The following HECW2 variants were observed in gnomAD, a reference collection of about 807,000 sequenced individuals.
HECW2 encodes the protein E3 ubiquitin-protein ligase HECW2.
HECW2 carries 61 observed loss-of-function variants against 175.2 expected under a neutral mutation model. The ratio of observed to expected loss-of-function variants is 0.35; its 90% CI spans 0.28 to 0.43. The LOEUF is 0.43. Ranked by LOEUF, HECW2 falls within the 20% of genes least tolerant of loss-of-function variation. The probability of loss-of-function intolerance (pLI) is 1.00; values close to 1 mark genes in which losing one functional copy is unlikely to be tolerated. For missense variants in HECW2, 1,524 were observed against 2,000.5 expected (o/e 0.76, Z 4.54); for synonymous variants, 671 against 731.0 (o/e 0.92, Z 1.32).
rs1276990423 is a variant in HECW2 at position 196,307,151 on chromosome 2, C to T, written c.2668G>A (p.Asp890Asn). ...NAIDGAGEEA[D>N]FHQASADFRR... is the part of the protein sequence containing the mutation. ...TTACCTGCACTGGCTTGGTGAAAGT[C>T]AGCTTCCTCCCCTGCCCCATCAATA... The change falls in exon 12 of 29, where the codon GAC becomes AAC. Residue 890 changes from aspartate (D) to asparagine (N), a missense_variant. This residue lies in a region of HECW2 where 105 missense variants were observed against 98.1 expected (regional missense o/e 1.07). Transcript: ENST00000644978. 6 of 1,613,494 alleles carry T rather than the reference C, an allele frequency of 3.7e-6. No individual in the cohort carries two copies. In the African/African-American group the frequency reaches 5.3e-5, roughly 14 times the overall value.
At position 196,333,574 on chromosome 2, in the gene HECW2, CTA is replaced by C. The variant is rs1692446456; in HGVS notation, c.495+848_495+849del. On this transcript the variant is annotated intron_variant, in intron 4 of 28. Coordinates refer to ENST00000644978, the MANE Select transcript of HECW2 (RefSeq NM_001348768.2). The stretch of plus-strand genomic sequence containing the variant: ...TATGTCATAGGAGTCAGTATTTTTT[CTA>C]TGCTTTCATGACCTCATTTTTAGTA... 3.3e-5 allele frequency among the ~76,000 whole-genome samples: 5 copies of C among 151,950 alleles called. No homozygotes were observed. The South Asian group carries it at 1.0e-3, about 31-fold the overall frequency.
chr2:196,270,789 C>T (rs1689701348), intron 17 of HECW2, among the ~76,000 whole-genome samples: 2 of 152,076 alleles, frequency 1.3e-5, no homozygotes, highest in Admixed American at 1.3e-4. Flanking sequence ...GCAACCTCCA[C>T]CTCCCAGGTT....
At chr2:196,406,623 T>C (rs1694972717) in intron 2 of HECW2, among the ~76,000 whole-genome samples, 1 of 152,242 alleles carries the variant, frequency 6.6e-6, no homozygotes, top group South Asian at 2.1e-4. Context: ...GACAAAGTTC[T>C]CTGTGATCTG....
At chr2:196,487,806 T>C (rs1046172736) in intron 1 of HECW2, among the ~76,000 whole-genome samples, 10 of 152,196 alleles carry the variant, frequency 6.6e-5, no homozygotes, top group African/African-American at 2.4e-4. Flanking sequence ...TGCTATTAGA[T>C]CAGCATATTT....
At chr2:196,396,491 A>G (rs1402436342) in intron 2 of HECW2, among the ~76,000 whole-genome samples, 1 of 152,234 alleles carries the variant, frequency 6.6e-6, no homozygotes, top group Non-Finnish European at 1.5e-5. Flanking sequence ...ATAAACAGAT[A>G]AAAACAGGCA....
At chr2:196,453,050 T>C (rs976563907) in intron 1 of HECW2, among the ~76,000 whole-genome samples, 6 of 152,322 alleles carry the variant, frequency 3.9e-5, no homozygotes, top group Non-Finnish European at 8.8e-5. Flanking sequence ...AGTTCTGTTC[T>C]AAGGAATATG....
chr2:196,297,505 T>C (rs1176810713), intron 13 of HECW2, among the ~76,000 whole-genome samples: 3 of 152,198 alleles, frequency 2.0e-5, no homozygotes, highest in Non-Finnish European at 4.4e-5. Flanking sequence ...ACAATGGAAA[T>C]AATAATCAAT....
At chr2:196,572,074 A>G (rs773184554) in intron 1 of HECW2, among the ~76,000 whole-genome samples, 2 of 152,246 alleles carry the variant, frequency 1.3e-5, no homozygotes, top group African/African-American at 4.8e-5. Context: ...AGGTAGCAAG[A>G]GCAATCAGAT....
At chr2:196,498,088 C>G (rs888420357) in intron 1 of HECW2, among the ~76,000 whole-genome samples, 7 of 152,126 alleles carry the variant, frequency 4.6e-5, no homozygotes, top group Non-Finnish European at 8.8e-5. Flanking sequence ...TTTCAGTGAA[C>G]TTTCAAAGGG....
At chr2:196,519,930 G>A (rs914229011) in intron 1 of HECW2, among the ~76,000 whole-genome samples, 1 of 152,152 alleles carries the variant, frequency 6.6e-6, no homozygotes, top group Non-Finnish European at 1.5e-5. Flanking sequence ...ATCCACACTA[G>A]TGATGGTAAT....
At chr2:196,538,291 G>T (rs1318180403) in intron 1 of HECW2, among the ~76,000 whole-genome samples, 2 of 152,164 alleles carry the variant, frequency 1.3e-5, no homozygotes, top group Non-Finnish European at 2.9e-5. Flanking sequence ...AGCACTTGGA[G>T]AGCTTGTTTA....
chr2:196,426,132 A>T (rs1363955459), intron 2 of HECW2, among the ~76,000 whole-genome samples: 1 of 152,172 alleles, frequency 6.6e-6, no homozygotes, highest in East Asian at 1.9e-4. Flanking sequence ...AAGTCTTTTT[A>T]AGTTAAGGTA....
intron 1 of HECW2, among the ~76,000 whole-genome samples, chr2:196,567,172 C>G (rs941713619): frequency 6.6e-6 from 1 of 152,086 alleles, no homozygotes; most frequent in Non-Finnish European, 1.5e-5. Flanking sequence ...CATCTCTGAC[C>G]GCACAGATGA....
chr2:196,250,268 A>T (rs553767166), intron 19 of HECW2, among the ~76,000 whole-genome samples: 10 of 152,296 alleles, frequency 6.6e-5, no homozygotes, highest in African/African-American at 2.4e-4. Context: ...GATAAAGTCC[A>T]CTCTGCATGA....
rs372831559 is a variant in HECW2 at position 196,397,890 on chromosome 2, C to A, written c.292+35242G>T. The stretch of plus-strand genomic sequence containing the variant: ...TGCTTCATATACCCCATCCTCCTCA[C>A]CTGCTCCCAAAGATATTCATGGAAG... On this transcript the variant is annotated intron_variant, in intron 2 of 28. Transcript: ENST00000644978. 8.5e-5 allele frequency among the ~76,000 whole-genome samples: 13 copies of A among 152,312 alleles called. No individual in the cohort carries two copies. In the East Asian group the frequency reaches 2.5e-3, roughly 29 times the overall value.
chr2:196,208,601 G>A (rs908398006), intron 28 of HECW2, among the ~76,000 whole-genome samples: 8 of 152,232 alleles, frequency 5.3e-5, no homozygotes, highest in Admixed American at 5.2e-4. Flanking sequence ...AAGGACAGAA[G>A]CCTGGTGGGC....
intron 28 of HECW2, among the ~76,000 whole-genome samples, chr2:196,214,294 C>T (rs1412120845): frequency 6.6e-6 from 1 of 152,152 alleles, no homozygotes; most frequent in African/African-American, 2.4e-5. Context: ...CTTGTCTCTA[C>T]CCATCAGGTT....
intron 6 of HECW2, among the ~76,000 whole-genome samples, chr2:196,324,300 G>C (rs1311269787): frequency 6.6e-6 from 1 of 152,080 alleles, no homozygotes; most frequent in African/African-American, 2.4e-5. Flanking sequence ...GTGTCTATTT[G>C]TTCATTCTTT....
intron 2 of HECW2, among the ~76,000 whole-genome samples, chr2:196,393,881 T>C (rs550597180): frequency 1.8e-4 from 27 of 152,284 alleles, no homozygotes; most frequent in African/African-American, 6.5e-4. Flanking sequence ...CTATTCACAA[T>C]AGCAAAGACT....
Sources: allele counts gnomAD v4.1 joint callset (sites outside exome capture counted in the v4.1 genomes callset), GRCh38; gene constraint gnomAD v4.1.1; regional missense constraint gnomAD v4.1.1; transcripts MANE v1.5; gene names NCBI Gene and HGNC (gene_info 2026-07-23, HGNC 2026-07-21).